The following C10orf67 variants were observed in gnomAD, a reference collection of about 807,000 sequenced individuals.
C10orf67 encodes the protein uncharacterized protein C10orf67, mitochondrial.
C10orf67 carries 60 observed loss-of-function variants against 35.6 expected under a neutral mutation model. That is an observed-to-expected ratio of 1.68 (90% CI 1.37 to 2.09). The LOEUF (loss-of-function observed/expected upper bound fraction) is 2.09. C10orf67 is among the 30% of genes most tolerant of loss of function. The pLI is 0.00. For missense variants in C10orf67, 474 were observed against 330.2 expected (o/e 1.44, Z -3.38); for synonymous variants, 167 against 115.8 (o/e 1.44, Z -2.84).
intron 4 of C10orf67, among the ~76,000 whole-genome samples, chr10:23,311,723 A>AAAAAAAG (rs150728967): frequency 6.6e-6 from 1 of 151,142 alleles, no homozygotes; most frequent in Non-Finnish European, 1.5e-5. Flanking sequence ...AAGAAAAAAA[A>AAAAAAAG]AAAGAAATTC....
intron 4 of C10orf67, among the ~76,000 whole-genome samples, chr10:23,320,361 T>C (rs1315525601): frequency 1.3e-5 from 2 of 152,180 alleles, no homozygotes; most frequent in African/African-American, 4.8e-5. Flanking sequence ...CAGATAGAAA[T>C]GTCCCTGTCA....
chr10:23,286,320 G>C (rs12413144), intron 7 of C10orf67, among the ~76,000 whole-genome samples: 53,455 of 138,734 alleles, frequency 0.39, 13,310 homozygotes, highest in East Asian at 0.74. Context: ...ATCGCTTGAG[G>C]CTGGATGTTT....
intron 15 of C10orf67, among the ~76,000 whole-genome samples, chr10:23,214,759 C>T (rs1376168285): frequency 2.2e-4 from 34 of 152,114 alleles, no homozygotes; most frequent in Admixed American, 2.0e-3. Flanking sequence ...CAGTGGCTCA[C>T]GCCCGTAATC....
At chr10:23,236,842 A>G (rs750949928) in intron 13 of C10orf67, among the ~76,000 whole-genome samples, 2 of 152,088 alleles carry the variant, frequency 1.3e-5, no homozygotes, top group African/African-American at 2.4e-5. Context: ...GTGCCATTGT[A>G]CTCCAGCTTG....
In C10orf67 at chr10:23,266,309, G is replaced by A. The variant is rs1842882218; in HGVS notation, c.1153C>T (p.Gln385Ter). Residue 385 changes from glutamine (Q) to a stop codon, truncating the protein, a stop_gained, in exon 10 of 16, where the codon CAG becomes TAG. Transcript: ENST00000636213. LOFTEE classifies it high-confidence loss of function. ...GCCTTCTTTGGCATTTTAGCTTTCTGGGCCCCAGCAGATGATACACTCATG... is the reference window on the plus strand; with the variant it reads ...GCCTTCTTTGGCATTTTAGCTTTCTAGGCCCCAGCAGATGATACACTCATG... ...ATMSVSSAGA[Q>*]KAKMPKKALK... is the part of the protein sequence containing the mutation. The A allele has an allele frequency of 7.5e-6, 3 of 398,608 alleles. No homozygotes were observed. The highest frequency in any genetic ancestry group is 1.3e-5 in the Non-Finnish European group (3 of 226,088). The allele number at this position is 398,608 out of a possible 1,614,324, so 24.7% of individuals were successfully genotyped here.
intron 4 of C10orf67, among the ~76,000 whole-genome samples, chr10:23,305,345 G>T (rs567151106): frequency 6.6e-6 from 1 of 152,124 alleles, no homozygotes; most frequent in Non-Finnish European, 1.5e-5. Context: ...GTTTAATAAA[G>T]CAATAGTAAA....
chr10:23,306,741 C>T (rs1001711848), intron 4 of C10orf67, among the ~76,000 whole-genome samples: 7 of 151,906 alleles, frequency 4.6e-5, no homozygotes, highest in Non-Finnish European at 8.8e-5. Context: ...ACTGCCACCG[C>T]CCCCCACCCC....
intron 4 of C10orf67, 100 bp from the exon 5 acceptor site, chr10:23,303,559 C>T: frequency 2.3e-6 from 1 of 438,648 alleles, no homozygotes; most frequent in Non-Finnish European, 4.1e-6. Flanking sequence ...TTAGACACCA[C>T]CAGAAAACAT....
At position 23,322,510 on chromosome 10, in the gene C10orf67, C is replaced by G; in HGVS notation, c.355G>C (p.Gly119Arg). ...AACTGAAGCAATTGTTTGAGGAACC[C>G]AAAATCTACCTGGAGGGATTTCATC... ...QMMKSLQVDF[G>R]FLKQLLQLKF... is the part of the protein sequence containing the mutation. The change falls in exon 3 of 16, where the codon GGG (glycine) becomes CGG (arginine). Residue 119 changes from glycine to arginine, a missense_variant. Coordinates refer to ENST00000636213, the MANE Select transcript of C10orf67 (RefSeq NM_001371909.1). 1.9e-6 allele frequency: 3 copies of G among 1,609,980 alleles called. No individual in the cohort carries two copies. Among genetic ancestry groups the G allele is most frequent in the Non-Finnish European group, 2.5e-6 (3 of 1,177,078 alleles).
At position 23,223,079 on chromosome 10, in the gene C10orf67, A is replaced by ATT. The variant is rs35185795; in HGVS notation, c.1570+517_1570+518dup. Among the ~76,000 whole-genome samples, 1,302 of 149,790 alleles carry ATT rather than the reference A, an allele frequency of 8.7e-3. 17 individuals carry two copies. Among genetic ancestry groups the ATT allele is most frequent in the African/African-American group, 0.03 (1,209 of 40,948 alleles). On this transcript the variant is annotated intron_variant, in intron 15 of 15. Transcript: ENST00000636213. Reference sequence around the variant, plus strand: ...CAGTCTCTGGTTTTGAAGTATAACTATTTTTTTTTTTAAATTTAAAGACAA... The same window carrying ATT: ...CAGTCTCTGGTTTTGAAGTATAACTATTTTTTTTTTTTTAAATTTAAAGACAA...
At chr10:23,230,955 A>T (rs1841889987) in intron 13 of C10orf67, among the ~76,000 whole-genome samples, 1 of 152,066 alleles carries the variant, frequency 6.6e-6, no homozygotes, top group Non-Finnish European at 1.5e-5. Flanking sequence ...TTGTCCTTCA[A>T]TATCTAATCT....
chr10:23,301,689 TG>T (rs1844081813), intron 5 of C10orf67, among the ~76,000 whole-genome samples: 1 of 150,848 alleles, frequency 6.6e-6, no homozygotes, highest in South Asian at 2.1e-4. Context: ...CATGCGGTGG[TG>T]GTGGGCCTCT....
At chr10:23,233,064 A>G (rs895800951) in intron 13 of C10orf67, among the ~76,000 whole-genome samples, 18 of 152,104 alleles carry the variant, frequency 1.2e-4, no homozygotes, top group African/African-American at 4.3e-4. Context: ...GGCTGAGGTA[A>G]GACAATCACT....
In C10orf67 at chr10:23,204,086, T is replaced by C; in HGVS notation, c.*87A>G. Reference sequence around the variant, plus strand: ...TAGTTTAGAAAATCCTTGGAGATAGTATCCTTTCCGAGGGAGGCACCTTAC... The same window carrying C: ...TAGTTTAGAAAATCCTTGGAGATAGCATCCTTTCCGAGGGAGGCACCTTAC... On this transcript the variant is annotated 3_prime_UTR_variant, in exon 16 of 16. Coordinates refer to ENST00000636213, the MANE Select transcript of C10orf67 (RefSeq NM_001371909.1). 1 of 453,774 alleles carries C rather than the reference T, an allele frequency of 2.2e-6. No homozygotes were observed. Among genetic ancestry groups the C allele is most frequent in the Non-Finnish European group, 4.0e-6 (1 of 247,588 alleles). The allele number at this position is 453,774 out of a possible 1,614,324, so 28.1% of individuals were successfully genotyped here.
At chr10:23,287,909 C>T (rs1843597558) in intron 7 of C10orf67, among the ~76,000 whole-genome samples, 1 of 152,122 alleles carries the variant, frequency 6.6e-6, no homozygotes, top group Non-Finnish European at 1.5e-5. Flanking sequence ...CAAATCAAAA[C>T]CACAATGAGA....
intron 7 of C10orf67, among the ~76,000 whole-genome samples, chr10:23,283,888 T>A (rs1479368391): frequency 6.6e-6 from 1 of 152,146 alleles, no homozygotes; most frequent in Non-Finnish European, 1.5e-5. Context: ...CTGTGCTCTC[T>A]GACTCCGGGT....
At chr10:23,216,402 C>T (rs552615674) in intron 15 of C10orf67, among the ~76,000 whole-genome samples, 109 of 152,182 alleles carry the variant, frequency 7.2e-4, no homozygotes, top group African/African-American at 2.6e-3. Flanking sequence ...TCATAACCTA[C>T]TGATATGTGT....
At chr10:23,206,670 T>A (rs1277224969) in intron 15 of C10orf67, among the ~76,000 whole-genome samples, 1 of 152,246 alleles carries the variant, frequency 6.6e-6, no homozygotes, top group Non-Finnish European at 1.5e-5. Flanking sequence ...CTCATTCATG[T>A]AGCTTTGCAG....
Position 23,236,092 on chromosome 10 carries a change from C to CA in C10orf67, c.1434+3636dup, listed in dbSNP as rs551908212. Among the ~76,000 whole-genome samples the CA allele has an allele frequency of 3.1e-3, 471 of 151,666 alleles. 5 individuals are homozygous for CA. Among genetic ancestry groups the CA allele is most frequent in the African/African-American group, 0.011 (436 of 41,366 alleles). ...TGAAACCCCGTCTCTACTAAAAATA[C>CA]AAAAAAATTAGCCGGGCTTGGTGGC... is the stretch of plus-strand genomic sequence containing the variant. On this transcript the variant is annotated intron_variant, in intron 13 of 15. Transcript: ENST00000636213.
Sources: allele counts gnomAD v4.1 joint callset (sites outside exome capture counted in the v4.1 genomes callset), GRCh38; gene constraint gnomAD v4.1.1; transcripts MANE v1.5; gene names NCBI Gene and HGNC (gene_info 2026-07-23, HGNC 2026-07-21).